The following SLC24A4 variants were observed in gnomAD, a reference collection of about 807,000 sequenced individuals.
SLC24A4 encodes solute carrier family 24 member 4, also known as sodium/potassium/calcium exchanger 4.
Under a neutral mutation model 79.0 loss-of-function variants are expected in SLC24A4, and 53 were observed. That is an observed-to-expected ratio of 0.67 (90% CI 0.54 to 0.84). The LOEUF is 0.84. SLC24A4 is among the 40% of genes least tolerant of loss of function. The pLI is 0.00. For synonymous variants in SLC24A4, 323 were observed against 323.8 expected (o/e 1.00, Z 0.03); for missense variants, 731 against 822.0 (o/e 0.89, Z 1.35).
chr14:92,486,385 T>A (rs1457296784), intron 13 of SLC24A4, among the ~76,000 whole-genome samples: 1 of 151,972 alleles, frequency 6.6e-6, no homozygotes, highest in Non-Finnish European at 1.5e-5. Flanking sequence ...GGGCATGGAG[T>A]CCAGGGTAAA....
chr14:92,380,409 T>G (rs1454531235), intron 2 of SLC24A4, among the ~76,000 whole-genome samples: 2 of 152,194 alleles, frequency 1.3e-5, no homozygotes, highest in East Asian at 3.9e-4. Flanking sequence ...GGCAGGATCC[T>G]GCTTGAAAAA....
intron 2 of SLC24A4, among the ~76,000 whole-genome samples, chr14:92,367,282 G>A (rs1028290205): frequency 6.6e-6 from 1 of 152,210 alleles, no homozygotes; most frequent in Non-Finnish European, 1.5e-5. Context: ...TTGAGCACTG[G>A]GTGCCAGCTT....
chr14:92,474,284 C>T (rs945775400), intron 12 of SLC24A4, among the ~76,000 whole-genome samples: 3 of 152,166 alleles, frequency 2.0e-5, no homozygotes, highest in Admixed American at 1.3e-4. Flanking sequence ...GCCTCCCATA[C>T]ATTTAATATG....
intron 2 of SLC24A4, among the ~76,000 whole-genome samples, chr14:92,343,831 TAG>T (rs1313325946): frequency 6.6e-6 from 1 of 151,916 alleles, no homozygotes; most frequent in Non-Finnish European, 1.5e-5. Context: ...GTCTCCTGAG[TAG>T]CTGGGACTAC....
At chr14:92,339,207 C>T (rs148577606) in intron 2 of SLC24A4, among the ~76,000 whole-genome samples, 4 of 152,294 alleles carry the variant, frequency 2.6e-5, no homozygotes, top group Non-Finnish European at 4.4e-5. Context: ...GGATAGGAAT[C>T]CACAACACTA....
chr14:92,491,806 G>A (rs781304894), intron 15 of SLC24A4, 29 bp downstream of exon 15: 3 of 1,555,730 alleles, frequency 1.9e-6, no homozygotes, highest in East Asian at 4.5e-5. Context: ...TAACAGATGT[G>A]TTTTACCCAG....
At chr14:92,336,707 C>T (rs1033405678) in intron 2 of SLC24A4, among the ~76,000 whole-genome samples, 1 of 152,202 alleles carries the variant, frequency 6.6e-6, no homozygotes, top group Non-Finnish European at 1.5e-5. Flanking sequence ...CAGACCAAGC[C>T]ACCTGCCGCA....
At chr14:92,451,034 G>C (rs1893106033) in intron 10 of SLC24A4, 1 of 152,220 alleles carries the variant, frequency 6.6e-6, no homozygotes, top group African/African-American at 2.4e-5. Context: ...ATCTCTTTAA[G>C]TCCAGGACAT....
In SLC24A4 at chr14:92,500,574, C is replaced by T. The variant is rs1384244112; in HGVS notation, c.*6946C>T. On this transcript the variant is annotated 3_prime_UTR_variant, in exon 17 of 17. Coordinates refer to ENST00000532405, the MANE Select transcript of SLC24A4 (RefSeq NM_153646.4). ...TGCCCTCACTTTTCATCCCTGCCCT[C>T]TAAGCTGCAGACCCCATGACCACAC... 3 of 152,342 alleles carry T rather than the reference C, an allele frequency of 2.0e-5. No individual in the cohort carries two copies. Among genetic ancestry groups the T allele is most frequent in the African/African-American group, 7.2e-5 (3 of 41,476 alleles). The allele number at this position is 152,342 out of a possible 1,614,324, so 9.4% of individuals were successfully genotyped here. A position where few individuals can be genotyped will look rare whatever the true frequency, so the allele number is the denominator to read the frequency against.
intron 2 of SLC24A4, among the ~76,000 whole-genome samples, chr14:92,351,204 CCTCT>C (rs1483746437): frequency 7.0e-6 from 1 of 142,140 alleles, no homozygotes; most frequent in Admixed American, 7.3e-5. Context: ...CTGAAATCTC[CCTCT>C]CTCTCTCTTT....
chr14:92,348,561 G>T (rs1338212113), intron 2 of SLC24A4, among the ~76,000 whole-genome samples: 3 of 152,156 alleles, frequency 2.0e-5, no homozygotes, highest in Non-Finnish European at 4.4e-5. Flanking sequence ...CAGTCCCTGG[G>T]GCCCCTTCCA....
chr14:92,421,446 A>C (rs975246630), intron 2 of SLC24A4, among the ~76,000 whole-genome samples: 8 of 152,124 alleles, frequency 5.3e-5, no homozygotes, highest in African/African-American at 1.9e-4. Flanking sequence ...CTTGGGCACC[A>C]TATAAATGAG....
At chr14:92,406,715 A>G (rs547501638) in intron 2 of SLC24A4, among the ~76,000 whole-genome samples, 1 of 152,224 alleles carries the variant, frequency 6.6e-6, no homozygotes, top group East Asian at 1.9e-4. Context: ...TCTGGGTGCC[A>G]TGTCCTGAGG....
chr14:92,443,791 A>G (rs1172510726), intron 7 of SLC24A4, among the ~76,000 whole-genome samples: 2 of 152,168 alleles, frequency 1.3e-5, no homozygotes, highest in Non-Finnish European at 2.9e-5. Flanking sequence ...GCTGGGCTGT[A>G]GTTAAGGCCT....
In SLC24A4 at chr14:92,343,649, CTTCT is replaced by C. The variant is rs1227272087; in HGVS notation, c.241+17675_241+17678del. The stretch of plus-strand genomic sequence containing the variant: ...CTTTCTTTCTTTCTTTCTCTCTTTC[CTTCT>C]TTCCTTCCTTCCTTCCTTCCTTCCT... On this transcript the variant is annotated intron_variant, in intron 2 of 16. Coordinates refer to ENST00000532405, the MANE Select transcript of SLC24A4 (RefSeq NM_153646.4). Among the ~76,000 whole-genome samples the C allele has an allele frequency of 9.8e-3, 1,110 of 112,826 alleles. 21 individuals carry two copies. The highest frequency in any genetic ancestry group is 0.031 in the African/African-American group (830 of 27,038). The allele number at this position is 112,826 out of a possible 152,430, so 74.0% of individuals were successfully genotyped here. A position where few individuals can be genotyped will look rare whatever the true frequency, so the allele number is the denominator to read the frequency against.
intron 12 of SLC24A4, among the ~76,000 whole-genome samples, chr14:92,465,136 A>T (rs145021275): frequency 6.6e-6 from 1 of 152,204 alleles, no homozygotes; most frequent in African/African-American, 2.4e-5. Context: ...AATGCTCCCC[A>T]GGGCCTCCAA....
At position 92,449,121 on chromosome 14, in the gene SLC24A4, T is replaced by G. The variant is rs1454330704; in HGVS notation, c.785T>G (p.Ile262Ser). 6.2e-7 allele frequency: 1 copy of G among 1,614,174 alleles called. No homozygotes were observed. The highest frequency in any genetic ancestry group is 8.5e-7 in the Non-Finnish European group (1 of 1,180,024). The change falls in exon 10 of 17, where the codon ATT becomes AGT. Residue 262 changes from isoleucine (I) to serine (S), a missense_variant. Physicochemically the swap from Ile to Ser is moderately radical, Grantham distance 142. Transcript: ENST00000532405. ...QAFFTVKQKS[I>S]ANGNPVNSEL... ...TTTTTCACAGTCAAACAAAAGAGCA[T>G]TGCAAACGGTAACCCGGTCAACAGT... is the stretch of plus-strand genomic sequence containing the variant.
intron 5 of SLC24A4, 67 bp downstream of exon 5, chr14:92,442,240 G>T (rs2139811827): frequency 3.1e-6 from 4 of 1,303,432 alleles, no homozygotes. Flanking sequence ...GAGCAGTGGG[G>T]GCATTTGTCA....
At chr14:92,461,362 A>C (rs1007080732) in intron 12 of SLC24A4, among the ~76,000 whole-genome samples, 2 of 152,088 alleles carry the variant, frequency 1.3e-5, no homozygotes, top group Non-Finnish European at 2.9e-5. Flanking sequence ...TGTAATTCTT[A>C]TATTAGTCAG....
Sources: allele counts gnomAD v4.1 joint callset (sites outside exome capture counted in the v4.1 genomes callset), GRCh38; gene constraint gnomAD v4.1.1; transcripts MANE v1.5; gene names NCBI Gene and HGNC (gene_info 2026-07-23, HGNC 2026-07-21).